Variants in SDK1 observed in about 807,000 individuals in gnomAD.
SDK1 encodes protein sidekick-1.
In SDK1, 157 loss-of-function variants were observed where a neutral mutation model predicts 245.5. The ratio of observed to expected loss-of-function variants is 0.64; its 90% CI spans 0.56 to 0.73. The LOEUF is 0.73. Among genes scored for constraint, SDK1 ranks in the 30% least tolerant of loss-of-function variants. The pLI is 0.00. For missense variants in SDK1, 3,583 were observed against 3,002.3 expected (o/e 1.19, Z -4.52); for synonymous variants, 1,647 against 1,278.5 (o/e 1.29, Z -6.15).
chr7:3,818,073 AGTTAT>A (rs1779553972), intron 4 of SDK1, among the ~76,000 whole-genome samples: 1 of 152,172 alleles, frequency 6.6e-6, no homozygotes, highest in Non-Finnish European at 1.5e-5. Flanking sequence ...TATTGTACTC[AGTTAT>A]TTTTGTTCCT....
chr7:3,395,043 A>G (rs1328659887), intron 1 of SDK1, among the ~76,000 whole-genome samples: 1 of 152,004 alleles, frequency 6.6e-6, no homozygotes, highest in African/African-American at 2.4e-5. Flanking sequence ...TGAATAGAGG[A>G]GATGAGAGTG....
chr7:3,633,148 TTATTTTCATGGAAAATAGA>T (rs1477167004), intron 2 of SDK1, among the ~76,000 whole-genome samples: 6 of 152,208 alleles, frequency 3.9e-5, no homozygotes, highest in South Asian at 2.1e-4. Flanking sequence ...ACTTGGTTGC[TTATTTTCATGGAAAATAGA>T]TATTTTCATA....
intron 13 of SDK1, among the ~76,000 whole-genome samples, chr7:3,983,664 G>C (rs1270002222): frequency 1.3e-5 from 2 of 152,186 alleles, no homozygotes; most frequent in East Asian, 3.8e-4. Flanking sequence ...CAGTATCTCT[G>C]AGACATGCCT....
chr7:4,210,270 C>G, intron 38 of SDK1, 108 bp downstream of exon 38: 1 of 1,179,626 alleles, frequency 8.5e-7, no homozygotes, highest in Non-Finnish European at 1.1e-6. Context: ...CAGGAGCCTT[C>G]TGGCGCCTGA....
At chr7:3,694,339 G>A (rs1784515188) in intron 4 of SDK1, among the ~76,000 whole-genome samples, 1 of 152,264 alleles carries the variant, frequency 6.6e-6, no homozygotes, top group Middle Eastern at 3.4e-3. Context: ...GGCTTTCACA[G>A]TACTTCATGC....
At chr7:3,354,021 C>G (rs957975759) in intron 1 of SDK1, among the ~76,000 whole-genome samples, 15 of 149,654 alleles carry the variant, frequency 1.0e-4, no homozygotes, top group Non-Finnish European at 2.1e-4. Context: ...GGGACAGACT[C>G]TCGCTCTGTT....
chr7:3,788,287 C>A (rs1222833465), intron 4 of SDK1, among the ~76,000 whole-genome samples: 1 of 152,212 alleles, frequency 6.6e-6, no homozygotes, highest in Non-Finnish European at 1.5e-5. Context: ...AACCTGGTCT[C>A]ACCTTGTGTC....
intron 22 of SDK1, among the ~76,000 whole-genome samples, chr7:4,086,481 C>T (rs1781436327): frequency 6.6e-6 from 1 of 152,170 alleles, no homozygotes; most frequent in African/African-American, 2.4e-5. Flanking sequence ...AGTTGTAGGA[C>T]TGAGGTCCCC....
intron 17 of SDK1, among the ~76,000 whole-genome samples, chr7:4,027,662 G>A (rs879679532): frequency 1.8e-4 from 27 of 152,318 alleles, no homozygotes; most frequent in Non-Finnish European, 2.2e-4. Flanking sequence ...TATGTAGATG[G>A]AAGAGAAGAT....
intron 16 of SDK1, among the ~76,000 whole-genome samples, chr7:4,015,590 C>A (rs1331609572): frequency 1.3e-5 from 2 of 152,220 alleles, no homozygotes; most frequent in Admixed American, 1.3e-4. Context: ...CGTCGGTGAT[C>A]TGAACACCAC....
At chr7:3,907,347 A>G (rs1252161282) in intron 5 of SDK1, among the ~76,000 whole-genome samples, 3 of 152,146 alleles carry the variant, frequency 2.0e-5, no homozygotes, top group Non-Finnish European at 2.9e-5. Context: ...GTGAATTTGC[A>G]TATTCGAAAT....
intron 25 of SDK1, among the ~76,000 whole-genome samples, chr7:4,122,865 C>T (rs1432976771): frequency 6.6e-6 from 1 of 152,198 alleles, no homozygotes; most frequent in East Asian, 1.9e-4. Flanking sequence ...TTCTTGAAAA[C>T]TTTGCAACTC....
intron 1 of SDK1, among the ~76,000 whole-genome samples, chr7:3,397,746 T>A (rs767517593): frequency 1.3e-5 from 2 of 152,140 alleles, no homozygotes; most frequent in Non-Finnish European, 2.9e-5. Context: ...ATTTCTGTTG[T>A]AGTGTTTTTG....
At chr7:3,782,454 C>T (rs1780775574) in intron 4 of SDK1, among the ~76,000 whole-genome samples, 1 of 152,084 alleles carries the variant, frequency 6.6e-6, no homozygotes, top group Admixed American at 6.6e-5. Context: ...CATATCAACC[C>T]AAGTACAGGA....
rs193136415 is a variant in SDK1 at position 4,211,646 on chromosome 7, G to C, written c.5539+1484G>C. ...TTTTTTTGAGACGGAGTCTTGCTCT[G>C]TCTCCCAGGCTGAAGTGCAGTGGCA... On this transcript the variant is annotated intron_variant, in intron 38 of 44. Coordinates refer to ENST00000404826, the MANE Select transcript of SDK1 (RefSeq NM_152744.4). Among the ~76,000 whole-genome samples the C allele has an allele frequency of 1.4e-3, 207 of 152,202 alleles. 1 individual carries two copies. The highest frequency in any genetic ancestry group is 4.6e-3 in the African/African-American group (192 of 41,514).
At chr7:4,058,910 A>G (rs1314886375) in intron 19 of SDK1, among the ~76,000 whole-genome samples, 1 of 152,232 alleles carries the variant, frequency 6.6e-6, no homozygotes, top group Non-Finnish European at 1.5e-5. Flanking sequence ...GTACAAACGT[A>G]TAAAACCCAT....
intron 1 of SDK1, chr7:3,337,968 C>T (rs2128553281): frequency 6.5e-6 from 1 of 152,888 alleles, no homozygotes; most frequent in South Asian, 2.1e-4. Context: ...AATATAGGGG[C>T]ACATGTAATA....
intron 1 of SDK1, among the ~76,000 whole-genome samples, chr7:3,465,358 A>G (rs1482109323): frequency 6.6e-6 from 1 of 152,210 alleles, no homozygotes; most frequent in Non-Finnish European, 1.5e-5. Flanking sequence ...TACTTAAACC[A>G]AAAATAAAAA....
At chr7:3,815,720 G>A (rs1779491581) in intron 4 of SDK1, among the ~76,000 whole-genome samples, 1 of 151,932 alleles carries the variant, frequency 6.6e-6, no homozygotes. Context: ...CCCAGGAATT[G>A]AACTCAGCTG....
Sources: allele counts gnomAD v4.1 joint callset (sites outside exome capture counted in the v4.1 genomes callset), GRCh38; gene constraint gnomAD v4.1.1; transcripts MANE v1.5; gene names NCBI Gene and HGNC (gene_info 2026-07-23, HGNC 2026-07-21).